GPHN: variants seen among roughly 807,000 people sequenced by gnomAD.
GPHN encodes the protein gephyrin.
GPHN carries 17 observed loss-of-function variants against 95.5 expected under a neutral mutation model. The ratio of observed to expected loss-of-function variants is 0.18; its 90% CI spans 0.12 to 0.27. The LOEUF (loss-of-function observed/expected upper bound fraction) is 0.27, where lower values mean the gene tolerates loss of function less well. GPHN is among the 10% of genes least tolerant of loss of function. The probability of loss-of-function intolerance (pLI) is 1.00; values close to 1 mark genes in which losing one functional copy is unlikely to be tolerated. For synonymous variants in GPHN, 320 were observed against 322.5 expected, an observed-to-expected ratio of 0.99 and a Z score of 0.08; for missense variants, 660 against 978.1, an observed-to-expected ratio of 0.67 and a Z score of 4.34.
chr14:67,302,434 G>T, the GPHN span: 1 of 1,595,006 alleles, frequency 6.3e-7, no homozygotes, highest in Admixed American at 1.7e-5. Flanking sequence ...TAATGAAATG[G>T]ACTCTGTCAT....
At chr14:67,336,680 T>C in the GPHN span, 3 of 455,534 alleles carry the variant, frequency 6.6e-6, no homozygotes, top group Admixed American at 7.1e-5. Context: ...CTTTGACTTG[T>C]CAAAGTCTCA....
In GPHN at chr14:66,681,091, C is replaced by A; in HGVS notation, c.65-16C>A. Reference sequence around the variant, plus strand: ...ACAAAAATTAATTTTTTTTTCTTTTCCCCATTTCTATTTAGTGAGTGATAG... The same window carrying A: ...ACAAAAATTAATTTTTTTTTCTTTTACCCATTTCTATTTAGTGAGTGATAG... On this transcript the variant is annotated splice_polypyrimidine_tract_variant and intron_variant, in intron 1 of 22. Transcript: ENST00000478722. The A allele has an allele frequency of 2.1e-6, 3 of 1,460,868 alleles. No homozygotes were observed. Among genetic ancestry groups the A allele is most frequent in the Non-Finnish European group, 2.9e-6 (3 of 1,047,752 alleles). The allele number at this position is 1,460,868 out of a possible 1,614,324, so 90.5% of individuals were successfully genotyped here.
chr14:66,742,373 A>G (rs900241400), intron 2 of GPHN, among the ~76,000 whole-genome samples: 1 of 152,186 alleles, frequency 6.6e-6, no homozygotes, highest in African/African-American at 2.4e-5. Context: ...TCTTCTTTTA[A>G]TGGATAATTA....
chr14:66,540,646 G>A (rs970173555), intron 1 of GPHN, among the ~76,000 whole-genome samples: 4 of 152,132 alleles, frequency 2.6e-5, no homozygotes, highest in Non-Finnish European at 5.9e-5. Context: ...AATAAGACTT[G>A]TTTTTTTAGC....
At chr14:66,995,468 G>A (rs148266062) in intron 9 of GPHN, among the ~76,000 whole-genome samples, 11 of 152,142 alleles carry the variant, frequency 7.2e-5, no homozygotes, top group East Asian at 1.9e-4. Flanking sequence ...ATACTTTTTC[G>A]CACAACTCTT....
the GPHN span, chr14:67,321,032 T>C: frequency 1.2e-6 from 2 of 1,608,562 alleles, no homozygotes; most frequent in South Asian, 1.1e-5. Context: ...ATGCCTGTTA[T>C]TTCTATCTGA....
intron 2 of GPHN, among the ~76,000 whole-genome samples, chr14:66,698,664 A>G (rs934054869): frequency 6.6e-6 from 1 of 152,222 alleles, no homozygotes; most frequent in Admixed American, 6.5e-5. Context: ...GTTTCACTGT[A>G]CAACAGCAGA....
At position 66,992,612 on chromosome 14, in the gene GPHN, G is replaced by A. The variant is rs57357176; in HGVS notation, c.963+27287G>A. Among the ~76,000 whole-genome samples the A allele has an allele frequency of 1.1e-4, 16 of 152,178 alleles. No homozygotes were observed. The East Asian group carries it at 3.1e-3, about 29-fold the overall frequency. ...GATGAGTATTTTCATTGCAGCCTTAGCTCTGAACTACTTTCTTATATTTTT... is the reference window on the plus strand; with the variant it reads ...GATGAGTATTTTCATTGCAGCCTTAACTCTGAACTACTTTCTTATATTTTT... On this transcript the variant is annotated intron_variant, in intron 9 of 22. Transcript: ENST00000478722.
the GPHN span, among the ~76,000 whole-genome samples, chr14:67,558,228 G>C: frequency 6.6e-6 from 1 of 152,146 alleles, no homozygotes; most frequent in Non-Finnish European, 1.5e-5. Flanking sequence ...CCTCGTGCCA[G>C]AATGCCATCA....
chr14:66,762,129 T>C (rs964829202), intron 2 of GPHN, among the ~76,000 whole-genome samples: 13 of 134,238 alleles, frequency 9.7e-5, no homozygotes, highest in African/African-American at 4.0e-4. Flanking sequence ...TAAAACCTTT[T>C]GAAAGGTTAA....
At chr14:67,734,405 C>T in the GPHN span, 46 of 155,016 alleles carry the variant, frequency 3.0e-4, no homozygotes, top group Non-Finnish European at 5.6e-4. Flanking sequence ...TAAAGAGTTC[C>T]GTTTGCCTTT....
intron 1 of GPHN, among the ~76,000 whole-genome samples, chr14:66,591,334 G>C (rs368850876): frequency 2.0e-5 from 3 of 152,044 alleles, no homozygotes; most frequent in Admixed American, 6.6e-5. Context: ...AGAAATAAAG[G>C]GTATTCAAAT....
chr14:66,842,300 A>T (rs1050142542), intron 4 of GPHN, among the ~76,000 whole-genome samples: 2 of 152,098 alleles, frequency 1.3e-5, no homozygotes, highest in Non-Finnish European at 2.9e-5. Context: ...AGTTTCTAGT[A>T]ATCTGTCCCC....
At chr14:67,369,212 A>T in the GPHN span, among the ~76,000 whole-genome samples, 2 of 152,220 alleles carry the variant, frequency 1.3e-5, no homozygotes, top group East Asian at 3.8e-4. Flanking sequence ...TACCTTAAGG[A>T]GACAGTGTCT....
chr14:66,562,257 G>C (rs1358682638), intron 1 of GPHN, among the ~76,000 whole-genome samples: 1 of 152,098 alleles, frequency 6.6e-6, no homozygotes, highest in East Asian at 1.9e-4. Context: ...AAATTCTGCG[G>C]ATCTATTTCA....
At chr14:67,353,659 T>A in the GPHN span, 1 of 152,168 alleles carries the variant, frequency 6.6e-6, no homozygotes, top group Non-Finnish European at 1.5e-5. Flanking sequence ...AGCTATATTT[T>A]TTTGTATTTT....
At chr14:66,732,249 C>A (rs896411405) in intron 2 of GPHN, among the ~76,000 whole-genome samples, 3 of 152,222 alleles carry the variant, frequency 2.0e-5, no homozygotes, top group African/African-American at 7.2e-5. Context: ...ACACTGACAA[C>A]CAGTACCATG....
the GPHN span, chr14:67,582,024 T>C: frequency 1.3e-6 from 2 of 1,577,846 alleles, no homozygotes; most frequent in Non-Finnish European, 1.7e-6. This position sits in a 1 kb window ranked among gnomAD's most constrained non-coding sequence, Gnocchi z 5.0. Flanking sequence ...CCATCCCTGT[T>C]TGGAATCCCT....
chr14:67,481,515 G>T, the GPHN span, among the ~76,000 whole-genome samples: 1 of 152,162 alleles, frequency 6.6e-6, no homozygotes, highest in African/African-American at 2.4e-5. Context: ...CAGAAGATGG[G>T]GTTGAAGAGA....
Sources: allele counts gnomAD v4.1 joint callset (sites outside exome capture counted in the v4.1 genomes callset), GRCh38; gene constraint gnomAD v4.1.1; non-coding constraint Gnocchi (gnomAD v3.1); transcripts MANE v1.5; gene names NCBI Gene and HGNC (gene_info 2026-07-23, HGNC 2026-07-21).